The following KCNH7 variants were observed in gnomAD, a reference collection of about 807,000 sequenced individuals.
KCNH7 encodes potassium voltage-gated channel subfamily H member 7, also known as voltage-gated inwardly rectifying potassium channel KCNH7.
KCNH7 carries 49 observed loss-of-function variants against 120.8 expected under a neutral mutation model. The ratio of observed to expected loss-of-function variants is 0.41; its 90% CI spans 0.32 to 0.51. KCNH7 has a LOEUF of 0.51. KCNH7 is among the 20% of genes least tolerant of loss of function. KCNH7 has a pLI of 0.38. For synonymous variants in KCNH7, 547 were observed against 516.1 expected, an observed-to-expected ratio of 1.06 and a Z score of -0.81; for missense variants, 1,097 against 1,446.6, an observed-to-expected ratio of 0.76 and a Z score of 3.92.
intron 2 of KCNH7, among the ~76,000 whole-genome samples, chr2:162,644,360 T>C (rs1434348345): frequency 1.3e-5 from 2 of 152,190 alleles, no homozygotes; most frequent in African/African-American, 4.8e-5. Flanking sequence ...AAGTGACTAA[T>C]GATCCCACCC....
At chr2:162,484,084 A>C (rs1690013719) in intron 6 of KCNH7, among the ~76,000 whole-genome samples, 1 of 152,156 alleles carries the variant, frequency 6.6e-6, no homozygotes, top group Admixed American at 6.6e-5. Context: ...ACTCAAAATC[A>C]CTATAAAAAT....
intron 2 of KCNH7, among the ~76,000 whole-genome samples, chr2:162,541,819 C>T (rs1345188892): frequency 6.6e-6 from 1 of 152,060 alleles, no homozygotes; most frequent in Non-Finnish European, 1.5e-5. Context: ...CAAACCTGCA[C>T]ATTCTGCACA....
At chr2:162,775,414 C>A (rs1002968244) in intron 2 of KCNH7, among the ~76,000 whole-genome samples, 2 of 152,070 alleles carry the variant, frequency 1.3e-5, no homozygotes, top group African/African-American at 4.8e-5. Context: ...TCACATGTTA[C>A]CCTTTGAGGA....
intron 2 of KCNH7, among the ~76,000 whole-genome samples, chr2:162,815,252 T>A (rs1263173982): frequency 6.6e-6 from 1 of 152,180 alleles, no homozygotes; most frequent in East Asian, 1.9e-4. Context: ...TTATTAAAAC[T>A]TAGCCTTCTA....
chr2:162,684,440 A>C (rs1228970662), intron 2 of KCNH7, among the ~76,000 whole-genome samples: 1 of 152,160 alleles, frequency 6.6e-6, no homozygotes, highest in Non-Finnish European at 1.5e-5. Context: ...AAATTTTTGC[A>C]ATCTACCCAT....
chr2:162,435,793 A>G (rs1197827572), intron 7 of KCNH7, among the ~76,000 whole-genome samples, 196 bp from the exon 8 acceptor site: 1 of 152,000 alleles, frequency 6.6e-6, no homozygotes, highest in Non-Finnish European at 1.5e-5. Context: ...AAAGTGCATG[A>G]CACATTAATT....
intron 2 of KCNH7, among the ~76,000 whole-genome samples, chr2:162,634,755 G>C (rs1448725035): frequency 6.6e-6 from 1 of 152,004 alleles, no homozygotes; most frequent in Non-Finnish European, 1.5e-5. Flanking sequence ...GCAAAAGAAA[G>C]TCAATGAAAG....
At chr2:162,412,838 G>A (rs1687429852) in intron 9 of KCNH7, among the ~76,000 whole-genome samples, 2 of 152,052 alleles carry the variant, frequency 1.3e-5, no homozygotes, top group Admixed American at 1.3e-4. Flanking sequence ...AACATGGCAA[G>A]GAAGATCTCC....
At chr2:162,767,677 T>C (rs1313250961) in intron 2 of KCNH7, among the ~76,000 whole-genome samples, 1 of 152,126 alleles carries the variant, frequency 6.6e-6, no homozygotes. Context: ...ATACTATAAC[T>C]GCATAAATAA....
intron 2 of KCNH7, among the ~76,000 whole-genome samples, chr2:162,774,196 T>G (rs1036784831): frequency 2.0e-5 from 3 of 152,162 alleles, no homozygotes; most frequent in Admixed American, 2.0e-4. Flanking sequence ...AAATTATTAT[T>G]TAAAATATAT....
chr2:162,695,234 A>G (rs1038125083), intron 2 of KCNH7, among the ~76,000 whole-genome samples: 1 of 152,164 alleles, frequency 6.6e-6, no homozygotes, highest in East Asian at 1.9e-4. Flanking sequence ...CGGTTGGGTT[A>G]TCTATGTTAA....
intron 10 of KCNH7, among the ~76,000 whole-genome samples, 190 bp from the exon 11 acceptor site, chr2:162,397,135 G>A (rs1027506888): frequency 2.0e-5 from 3 of 151,694 alleles, no homozygotes; most frequent in Admixed American, 6.6e-5. Context: ...AGGGTGATTG[G>A]TCCTTTTATT....
chr2:162,809,302 T>C (rs991001134), intron 2 of KCNH7, among the ~76,000 whole-genome samples: 5 of 152,224 alleles, frequency 3.3e-5, no homozygotes, highest in Non-Finnish European at 1.5e-5. Context: ...GTTTAAGTCA[T>C]AGGTCTGTTA....
chr2:162,784,201 T>C (rs2105501778), intron 2 of KCNH7, among the ~76,000 whole-genome samples: 1 of 152,326 alleles, frequency 6.6e-6, no homozygotes, highest in South Asian at 2.1e-4. Context: ...ATACTATTGT[T>C]TCAAAATCAG....
At chr2:162,648,201 A>C (rs1052365070) in intron 2 of KCNH7, among the ~76,000 whole-genome samples, 1 of 152,164 alleles carries the variant, frequency 6.6e-6, no homozygotes, top group East Asian at 1.9e-4. Flanking sequence ...TGCAGGAAGC[A>C]TGGTTGGGAG....
chr2:162,667,012 CTTTTTCTTTTTTTTTT>C (rs1315999943), intron 2 of KCNH7, among the ~76,000 whole-genome samples: 2 of 136,042 alleles, frequency 1.5e-5, no homozygotes, highest in African/African-American at 6.1e-5. Context: ...ATTCTTTTTT[CTTTTTCTTTTTTTTTT>C]TTTTTTTTGG....
chr2:162,560,812 G>A (rs972004319), intron 2 of KCNH7, among the ~76,000 whole-genome samples: 4 of 152,228 alleles, frequency 2.6e-5, no homozygotes, highest in Non-Finnish European at 5.9e-5. Flanking sequence ...AAATACTTGT[G>A]ATTTAAAAGT....
intron 2 of KCNH7, among the ~76,000 whole-genome samples, chr2:162,748,111 C>T (rs557707674): frequency 5.3e-5 from 8 of 152,236 alleles, no homozygotes; most frequent in East Asian, 3.9e-4. Flanking sequence ...ACACTAAACA[C>T]GGTTTATGTA....
intron 2 of KCNH7, among the ~76,000 whole-genome samples, chr2:162,555,298 T>G (rs902295913): frequency 2.6e-5 from 4 of 152,178 alleles, no homozygotes; most frequent in African/African-American, 9.7e-5. Flanking sequence ...CCACTATTAG[T>G]GTTCAAAGAT....
Sources: gnomAD v4.1 joint callset for allele counts (sites outside exome capture counted in the v4.1 genomes callset) on GRCh38, gnomAD v4.1.1 for gene constraint, MANE v1.5 for transcripts, NCBI Gene and HGNC (gene_info 2026-07-23, HGNC 2026-07-21) for gene names.